GPHN: variants seen among roughly 807,000 people sequenced by gnomAD.
The protein encoded by GPHN is gephyrin.
Under a neutral mutation model 95.5 loss-of-function variants are expected in GPHN, and 17 were observed. The ratio of observed to expected loss-of-function variants is 0.18; its 90% CI spans 0.12 to 0.27. The LOEUF (loss-of-function observed/expected upper bound fraction) is 0.27. Ranked by LOEUF, GPHN falls within the 10% of genes least tolerant of loss-of-function variation. The pLI is 1.00. For synonymous variants in GPHN, 320 were observed against 322.5 expected (o/e 0.99, Z 0.08); for missense variants, 660 against 978.1 (o/e 0.67, Z 4.34).
chr14:67,732,429 CAAAA>C, the GPHN span, among the ~76,000 whole-genome samples: 6 of 126,490 alleles, frequency 4.7e-5, no homozygotes, highest in Non-Finnish European at 6.6e-5. Flanking sequence ...GACCCTATCT[CAAAA>C]AAAAAAAAAA....
chr14:67,509,539 G>A, the GPHN span, among the ~76,000 whole-genome samples: 1 of 152,074 alleles, frequency 6.6e-6, no homozygotes, highest in East Asian at 1.9e-4. Context: ...GGCTGGTCTT[G>A]AACTCCTGAC....
At chr14:67,609,981 A>G in the GPHN span, among the ~76,000 whole-genome samples, 1 of 151,994 alleles carries the variant, frequency 6.6e-6, no homozygotes, top group Non-Finnish European at 1.5e-5. Context: ...CAACCTTGGG[A>G]GGGATGAAGG....
chr14:66,951,514 CAAAA>C (rs34837551), intron 8 of GPHN, among the ~76,000 whole-genome samples: 1 of 63,862 alleles, frequency 1.6e-5, no homozygotes, highest in Admixed American at 1.8e-4. Context: ...AACTTCATCT[CAAAA>C]AAAAAAAAAA....
rs1596309227 is a variant in GPHN at position 66,896,403 on chromosome 14, G to A, written c.389+16370G>A. Among the ~76,000 whole-genome samples the A allele has an allele frequency of 2.6e-5, 4 of 152,190 alleles. No individual in the cohort carries two copies. In the South Asian group the frequency reaches 8.3e-4, roughly 32 times the overall value. ...GGAGGCTGAGGTGGGCTGATCACTTGAGTCCAGAAGTTCGAGACAAGCCTG... is the reference window on the plus strand; with the variant it reads ...GGAGGCTGAGGTGGGCTGATCACTTAAGTCCAGAAGTTCGAGACAAGCCTG... On this transcript the variant is annotated intron_variant, in intron 5 of 22. Transcript: ENST00000478722.
intron 2 of GPHN, among the ~76,000 whole-genome samples, chr14:66,716,354 A>G (rs1413761401): frequency 1.3e-5 from 2 of 152,148 alleles, no homozygotes; most frequent in Admixed American, 6.5e-5. Flanking sequence ...TTTGCATGAA[A>G]TGCCCTTTTC....
intron 1 of GPHN, among the ~76,000 whole-genome samples, chr14:66,634,309 G>T (rs2063986654): frequency 6.6e-6 from 1 of 151,638 alleles, no homozygotes; most frequent in Admixed American, 6.6e-5. Flanking sequence ...TGGGTAGAAT[G>T]TTTTCGCATT....
intron 1 of GPHN, among the ~76,000 whole-genome samples, chr14:66,576,351 A>G (rs2060899202): frequency 6.8e-6 from 1 of 146,570 alleles, no homozygotes; most frequent in African/African-American, 2.5e-5. Context: ...ATAAACCTGG[A>G]TTTTTTTTTT....
At chr14:66,770,787 AAAT>A (rs1384197502) in intron 2 of GPHN, among the ~76,000 whole-genome samples, 3 of 152,092 alleles carry the variant, frequency 2.0e-5, no homozygotes, top group Non-Finnish European at 4.4e-5. Flanking sequence ...GTTATTATAA[AAAT>A]AATAACTTAT....
intron 1 of GPHN, among the ~76,000 whole-genome samples, chr14:66,548,426 C>A (rs113338657): frequency 6.6e-6 from 1 of 152,178 alleles, no homozygotes; most frequent in African/African-American, 2.4e-5. Flanking sequence ...GATGATCCAC[C>A]TGCCTCAGCC....
At chr14:66,693,870 A>G (rs1355720770) in intron 2 of GPHN, among the ~76,000 whole-genome samples, 2 of 152,222 alleles carry the variant, frequency 1.3e-5, no homozygotes, top group African/African-American at 2.4e-5. Flanking sequence ...GTTAAAATCT[A>G]TTGGTCCACC....
intron 2 of GPHN, among the ~76,000 whole-genome samples, chr14:66,754,991 A>G (rs895334703): frequency 2.6e-5 from 4 of 152,086 alleles, no homozygotes; most frequent in Admixed American, 6.6e-5. Context: ...CACTCAAATA[A>G]AACATTAATC....
intron 1 of GPHN, among the ~76,000 whole-genome samples, chr14:66,663,846 C>T (rs1345150562): frequency 6.6e-6 from 1 of 152,066 alleles, no homozygotes; most frequent in Non-Finnish European, 1.5e-5. Flanking sequence ...TCTGACAAAA[C>T]AGACTTTAAC....
chr14:67,077,954 T>G (rs746624154), intron 11 of GPHN, among the ~76,000 whole-genome samples: 40 of 152,156 alleles, frequency 2.6e-4, no homozygotes, highest in Non-Finnish European at 4.9e-4. Context: ...AGCCTTGCCT[T>G]TAAGATTTCT....
the GPHN span, among the ~76,000 whole-genome samples, chr14:67,603,071 G>GTTTTGTTTTGTTTTA: frequency 5.9e-5 from 9 of 151,970 alleles, no homozygotes; most frequent in Non-Finnish European, 1.3e-4. Context: ...TTTCTGGTTT[G>GTTTTGTTTTGTTTTA]TTTTGTTTTG....
At chr14:66,984,450 A>G (rs188333838) in intron 9 of GPHN, among the ~76,000 whole-genome samples, 68 of 152,320 alleles carry the variant, frequency 4.5e-4, no homozygotes, top group African/African-American at 1.5e-3. Flanking sequence ...TTAATGCTGA[A>G]AAATTAGTAA....
the GPHN span, chr14:67,198,902 C>G: frequency 1.4e-6 from 1 of 692,128 alleles, no homozygotes; most frequent in Non-Finnish European, 2.6e-6. Context: ...CTCTAAAGTT[C>G]CTAGAAATTC....
chr14:67,614,312 C>T, the GPHN span, among the ~76,000 whole-genome samples: 2 of 152,198 alleles, frequency 1.3e-5, no homozygotes, highest in Admixed American at 6.5e-5. Context: ...AAAGGTATCA[C>T]ACTTTTCTGC....
intron 2 of GPHN, among the ~76,000 whole-genome samples, chr14:66,740,687 C>T (rs931567223): frequency 5.9e-5 from 9 of 151,954 alleles, no homozygotes; most frequent in Non-Finnish European, 1.3e-4. Flanking sequence ...ATATTTGGCT[C>T]TTATAGATTC....
At chr14:67,531,537 G>A in the GPHN span, among the ~76,000 whole-genome samples, 2 of 151,914 alleles carry the variant, frequency 1.3e-5, no homozygotes, top group Non-Finnish European at 2.9e-5. Flanking sequence ...CTCTACAGAA[G>A]TAACCAGCTA....
Sources: gnomAD v4.1 joint callset for allele counts (sites outside exome capture counted in the v4.1 genomes callset) on GRCh38, gnomAD v4.1.1 for gene constraint, MANE v1.5 for transcripts, NCBI Gene and HGNC (gene_info 2026-07-23, HGNC 2026-07-21) for gene names.